GPATCH8: variants seen among roughly 807,000 people sequenced by gnomAD.
GPATCH8 encodes the protein G-patch domain containing 8.
In GPATCH8, 18 loss-of-function variants were observed where a neutral mutation model predicts 118.3. The observed-to-expected ratio is 0.15, with a 90% CI of 0.11 to 0.23. GPATCH8 has a LOEUF of 0.23. Among genes scored for constraint, GPATCH8 ranks in the 10% least tolerant of loss-of-function variants. GPATCH8 has a pLI of 1.00. For missense variants in GPATCH8, 1,631 were observed against 1,873.8 expected, an observed-to-expected ratio of 0.87 and a Z score of 2.39; for synonymous variants, 659 against 684.7, an observed-to-expected ratio of 0.96 and a Z score of 0.59.
intron 7 of GPATCH8, among the ~76,000 whole-genome samples, chr17:44,405,567 C>G (rs1184963658): frequency 3.3e-5 from 5 of 150,848 alleles, no homozygotes; most frequent in Admixed American, 6.6e-5. Context: ...TACAGTGGTG[C>G]GATCTTGGCT....
intron 7 of GPATCH8, among the ~76,000 whole-genome samples, chr17:44,403,096 G>C (rs915954294): frequency 1.3e-5 from 2 of 151,860 alleles, no homozygotes; most frequent in African/African-American, 4.8e-5. Context: ...TTATTTATTT[G>C]AGACAGTGTC....
At chr17:44,479,166 G>C (rs756405562) in intron 1 of GPATCH8, among the ~76,000 whole-genome samples, 3 of 152,114 alleles carry the variant, frequency 2.0e-5, no homozygotes, top group Non-Finnish European at 4.4e-5. Flanking sequence ...GCACCTTCTA[G>C]GAAAAACCAT....
chr17:44,408,689 C>T (rs1171598586), intron 6 of GPATCH8, among the ~76,000 whole-genome samples: 2 of 152,182 alleles, frequency 1.3e-5, no homozygotes, highest in African/African-American at 4.8e-5. Context: ...TCAGCAGCCA[C>T]TCTGTACAAC....
chr17:44,503,219 G>A (rs570236112), intron 1 of GPATCH8, 107 bp downstream of exon 1: 7 of 1,032,218 alleles, frequency 6.8e-6, no homozygotes, highest in African/African-American at 1.6e-5. Context: ...GAGCTGGTTC[G>A]CAAGTCGGAG....
chr17:44,422,372 T>C (rs2049938576), intron 6 of GPATCH8, among the ~76,000 whole-genome samples: 2 of 151,994 alleles, frequency 1.3e-5, no homozygotes, highest in East Asian at 1.9e-4. Flanking sequence ...TTAGCTTAGA[T>C]TGGGGGGCAG....
At chr17:44,414,574 G>A (rs1172763990) in intron 6 of GPATCH8, among the ~76,000 whole-genome samples, 1 of 152,204 alleles carries the variant, frequency 6.6e-6, no homozygotes, top group Non-Finnish European at 1.5e-5. Flanking sequence ...CTCCCAAAGT[G>A]TTTACAGGCG....
intron 1 of GPATCH8, among the ~76,000 whole-genome samples, chr17:44,502,794 T>C (rs35901088): frequency 0.039 from 5,914 of 152,302 alleles, 155 homozygotes; most frequent in Middle Eastern, 0.071. Flanking sequence ...ATAAGGCGTC[T>C]GATAGCGAAG....
chr17:44,453,498 G>GTGTGTGTGTGTGTGTGTGTGTGTGT (rs1298562128), intron 3 of GPATCH8, among the ~76,000 whole-genome samples: 2,237 of 130,052 alleles, frequency 0.017, 108 homozygotes, highest in South Asian at 0.021. Flanking sequence ...TAGGTAGGTA[G>GTGTGTGTGTGTGTGTGTGTGTGTGT]GGGTGTGTGT....
At chr17:44,404,133 A>G (rs534114447) in intron 7 of GPATCH8, among the ~76,000 whole-genome samples, 1 of 152,212 alleles carries the variant, frequency 6.6e-6, no homozygotes, top group South Asian at 2.1e-4. Flanking sequence ...CGCAAACTGA[A>G]TAAAAAGGGG....
chr17:44,471,728 A>G (rs1365295396), intron 2 of GPATCH8, among the ~76,000 whole-genome samples: 1 of 152,146 alleles, frequency 6.6e-6, no homozygotes, highest in African/African-American at 2.4e-5. Flanking sequence ...ATGTAATTAA[A>G]TATTTACTTA....
At chr17:44,455,702 C>A (rs1387108294) in intron 3 of GPATCH8, among the ~76,000 whole-genome samples, 2 of 152,092 alleles carry the variant, frequency 1.3e-5, no homozygotes, top group African/African-American at 4.8e-5. Flanking sequence ...GTAAAGACTT[C>A]AGAAAAATGT....
chr17:44,489,080 C>G (rs1422048465), intron 1 of GPATCH8, among the ~76,000 whole-genome samples: 1 of 151,572 alleles, frequency 6.6e-6, no homozygotes, highest in Non-Finnish European at 1.5e-5. Flanking sequence ...AAAACAAAAA[C>G]AAACAAAAAG....
Position 44,474,830 on chromosome 17 carries a change from G to T in GPATCH8, c.119C>A (p.Ser40Ter). 6.6e-7 allele frequency: 1 copy of T among 1,521,438 alleles called. No individual in the cohort carries two copies. The highest frequency in any genetic ancestry group is 9.1e-7 in the Non-Finnish European group (1 of 1,095,590). 94.2% of individuals were successfully genotyped at this position (1,521,438 alleles called of 1,614,324 possible). ...GAAATTAAGCACTGATTATCTTACC[G>T]ATTCTATAGGCTTGTCAAGTGACGC... ...EQASLDKPIESDNIGHRLLQK... is the reference protein window; with the variant it reads ...EQASLDKPIE Residue 40 changes from serine to a stop codon, truncating the protein, a stop_gained and splice_region_variant, in exon 2 of 8, where the codon TCG (serine) becomes TAG (stop). Transcript: ENST00000591680. LOFTEE classifies it high-confidence loss of function.
At chr17:44,485,669 C>A (rs1162532066) in intron 1 of GPATCH8, among the ~76,000 whole-genome samples, 1 of 152,144 alleles carries the variant, frequency 6.6e-6, no homozygotes, top group African/African-American at 2.4e-5. Context: ...CTTCCTATGC[C>A]CCCAGCCCTA....
Position 44,479,465 on chromosome 17 carries a change from C to T in GPATCH8, c.46-4562G>A, listed in dbSNP as rs565019485. 2.3e-4 allele frequency among the ~76,000 whole-genome samples: 35 copies of T among 152,174 alleles called. 2 individuals carry two copies. In the South Asian group the frequency reaches 6.4e-3, roughly 28 times the overall value. On this transcript the variant is annotated intron_variant, in intron 1 of 7. Transcript: ENST00000591680. ...GAGAAATTTTAATGTTTTCAATTAA[C>T]GGTGCTAGAACTAGGTGTCCATATA...
At chr17:44,457,313 A>G (rs2051372544) in intron 3 of GPATCH8, among the ~76,000 whole-genome samples, 2 of 152,222 alleles carry the variant, frequency 1.3e-5, no homozygotes, top group African/African-American at 4.8e-5. Flanking sequence ...TTAATATTTC[A>G]CAATAATGCC....
At chr17:44,490,247 G>A (rs1440531902) in intron 1 of GPATCH8, among the ~76,000 whole-genome samples, 2 of 152,088 alleles carry the variant, frequency 1.3e-5, no homozygotes, top group Non-Finnish European at 1.5e-5. Flanking sequence ...GTTGGAGGCT[G>A]CAGTAAGCTA....
chr17:44,487,532 T>C (rs1268694607), intron 1 of GPATCH8, among the ~76,000 whole-genome samples: 1 of 152,226 alleles, frequency 6.6e-6, no homozygotes, highest in Admixed American at 6.5e-5. Flanking sequence ...GGAGTATGAT[T>C]GCTGGATTGA....
rs2048888541 is a variant in GPATCH8 at position 44,398,915 on chromosome 17, T to C, written c.3162A>G (p.Arg1054=). 1 of 1,614,184 alleles carries C rather than the reference T, an allele frequency of 6.2e-7. No homozygotes were observed. Among genetic ancestry groups the C allele is most frequent in the Non-Finnish European group, 8.5e-7 (1 of 1,180,016 alleles). ...GACCTGTTGCTTTACTGTCATCTCC[T>C]CTGCCATCATCTTTCTTCCCAGGAC... The part of the protein sequence containing the change: ...GEGPGKKDDG[R]GDDSKATGPP... The change falls in exon 8 of 8, where the codon AGA becomes AGG. Residue 1054 remains arginine (R), a synonymous_variant. Transcript: ENST00000591680.
Sources: gnomAD v4.1 joint callset for allele counts (sites outside exome capture counted in the v4.1 genomes callset) on GRCh38, gnomAD v4.1.1 for gene constraint, MANE v1.5 for transcripts, NCBI Gene and HGNC (gene_info 2026-07-23, HGNC 2026-07-21) for gene names.